IL6R: variants seen among roughly 807,000 people sequenced by gnomAD.
The protein encoded by IL6R is interleukin 6 receptor.
A neutral mutation model predicts 48.3 loss-of-function variants in IL6R; 38 were observed. That is an observed-to-expected ratio of 0.79 (90% CI 0.61 to 1.03). The LOEUF (loss-of-function observed/expected upper bound fraction) is 1.03, where lower values mean the gene tolerates loss of function less well. Ranked by LOEUF, IL6R falls within the 50% of genes least tolerant of loss-of-function variation. IL6R has a pLI of 0.00. For synonymous variants in IL6R, 264 were observed against 256.2 expected, an observed-to-expected ratio of 1.03 and a Z score of -0.29; for missense variants, 534 against 618.3, an observed-to-expected ratio of 0.86 and a Z score of 1.45.
At chr1:154,433,764 G>A (rs1273411617) in intron 3 of IL6R, among the ~76,000 whole-genome samples, 2 of 150,572 alleles carry the variant, frequency 1.3e-5, no homozygotes, top group African/African-American at 2.5e-5. Context: ...AGTCTCTGTC[G>A]CCCAGGCTGG....
In IL6R at chr1:154,405,478, G is replaced by A; in HGVS notation, c.-152G>A. 1 of 662,240 alleles carries A rather than the reference G, an allele frequency of 1.5e-6. No homozygotes were observed. Among genetic ancestry groups the A allele is most frequent in the Non-Finnish European group, 2.4e-6 (1 of 414,354 alleles). The allele number at this position is 662,240 out of a possible 1,614,324, so 41.0% of individuals were successfully genotyped here. A position where few individuals can be genotyped will look rare whatever the true frequency, so the allele number is the denominator to read the frequency against. On this transcript the variant is annotated 5_prime_UTR_variant, in exon 1 of 10. An upstream open reading frame in the 5' UTR loses its in-frame stop. Transcript: ENST00000368485. This position sits in a 1 kb window ranked among gnomAD's most constrained non-coding sequence, Gnocchi z 5.2. Reference sequence around the variant, plus strand: ...GGCCGAGGGACTCGCAGTGTGTGTAGAGAGCCGGGCTCCTGCGGATGGGGG... The same window carrying A: ...GGCCGAGGGACTCGCAGTGTGTGTAAAGAGCCGGGCTCCTGCGGATGGGGG...
intron 9 of IL6R, among the ~76,000 whole-genome samples, chr1:154,455,448 T>C (rs367623799): frequency 1.4e-5 from 2 of 147,902 alleles, no homozygotes; most frequent in East Asian, 4.0e-4. Flanking sequence ...TCTCTTTCTT[T>C]TCTTTTCTTT....
intron 3 of IL6R, among the ~76,000 whole-genome samples, chr1:154,431,199 A>AAGACGGCTTAACGTGGG (rs1553306860): frequency 1.3e-5 from 2 of 152,132 alleles, no homozygotes; most frequent in Non-Finnish European, 2.9e-5. Flanking sequence ...TCATCACCGG[A>AAGACGGCTTAACGTGGG]AGACGGCTTA....
rs777374749 is a variant in IL6R at position 154,434,982 on chromosome 1, T to C, written c.641-8T>C. ...GCTGCAAAGGAGTCATGCTCACTTT[T>C]CCCACAGTGCAGCCTGATCCGCCTG... On this transcript the variant is annotated splice_region_variant and splice_polypyrimidine_tract_variant and intron_variant, in intron 4 of 9. Transcript: ENST00000368485. The C allele has an allele frequency of 8.1e-6, 13 of 1,613,628 alleles. No individual in the cohort carries two copies. In the East Asian group the frequency reaches 2.2e-4, roughly 28 times the overall value.
intron 1 of IL6R, among the ~76,000 whole-genome samples, chr1:154,417,837 C>A (rs977588571): frequency 6.7e-6 from 1 of 150,058 alleles, no homozygotes; most frequent in Non-Finnish European, 1.5e-5. Context: ...CGGTTTCAAG[C>A]GATTCTCCTG....
At chr1:154,436,361 C>T (rs1689630954) in intron 6 of IL6R, among the ~76,000 whole-genome samples, 1 of 152,126 alleles carries the variant, frequency 6.6e-6, no homozygotes. Flanking sequence ...GCCTGTAATT[C>T]CAGCTACTCA....
intron 1 of IL6R, among the ~76,000 whole-genome samples, chr1:154,419,427 G>C (rs1688525816): frequency 6.6e-6 from 1 of 152,172 alleles, no homozygotes; most frequent in South Asian, 2.1e-4. Flanking sequence ...GTGTCCACAG[G>C]CTTCTCCTGG....
intron 3 of IL6R, among the ~76,000 whole-genome samples, chr1:154,433,679 T>A (rs768997033): frequency 1.3e-5 from 2 of 152,112 alleles, no homozygotes; most frequent in Non-Finnish European, 2.9e-5. Flanking sequence ...CATGTTTATA[T>A]ATATTTGTAA....
At chr1:154,435,508 CAAA>C (rs71586014) in intron 5 of IL6R, among the ~76,000 whole-genome samples, 1 of 135,396 alleles carries the variant, frequency 7.4e-6, no homozygotes, top group Non-Finnish European at 1.6e-5. Flanking sequence ...GACTCCATGT[CAAA>C]AAAAAAAAAA....
At chr1:154,462,873 T>C (rs1273298150) in intron 9 of IL6R, among the ~76,000 whole-genome samples, 3 of 152,148 alleles carry the variant, frequency 2.0e-5, no homozygotes, top group Non-Finnish European at 4.4e-5. Flanking sequence ...AGTGGCACAA[T>C]CTCAGCACAC....
chr1:154,438,669 C>G (rs1393533613), intron 6 of IL6R, among the ~76,000 whole-genome samples: 2 of 152,150 alleles, frequency 1.3e-5, no homozygotes, highest in African/African-American at 4.8e-5. Flanking sequence ...ATTCTTCCCC[C>G]AGATTGGATG....
intron 8 of IL6R, among the ~76,000 whole-genome samples, chr1:154,452,552 G>T (rs1466487080): frequency 6.6e-6 from 1 of 152,160 alleles, no homozygotes; most frequent in African/African-American, 2.4e-5. Context: ...CATTTGTTTG[G>T]CCGGGCGCGG....
At chr1:154,450,104 C>CTG (rs71586016) in intron 8 of IL6R, 124 bp downstream of exon 8, 19,984 of 479,152 alleles carry the variant, frequency 0.042, 334 homozygotes, top group African/African-American at 0.12. Flanking sequence ...CAGAAATGTT[C>CTG]TGTGTGTGTG....
At chr1:154,418,890 C>T (rs534852431) in intron 1 of IL6R, among the ~76,000 whole-genome samples, 46 of 152,244 alleles carry the variant, frequency 3.0e-4, no homozygotes, top group African/African-American at 1.1e-3. Context: ...CTGACCCCCC[C>T]TTGTGCACAC....
Position 154,436,035 on chromosome 1 carries a change from C to A in IL6R, c.874C>A (p.Leu292Ile). The A allele has an allele frequency of 6.2e-7, 1 of 1,613,210 alleles. No homozygotes were observed. Among genetic ancestry groups the A allele is most frequent in the Non-Finnish European group, 8.5e-7 (1 of 1,179,572 alleles). ...AWSGLRHVVQ[L>I]RAQEEFGQGE... ...GAGCGGCCTGAGGCACGTGGTGCAGCTTCGTGCCCAGGAGGAGTTCGGGCA... is the reference window on the plus strand; with the variant it reads ...GAGCGGCCTGAGGCACGTGGTGCAGATTCGTGCCCAGGAGGAGTTCGGGCA... The change falls in exon 6 of 10, where the codon CTT becomes ATT. Residue 292 changes from leucine (L) to isoleucine (I), a missense_variant. Physicochemically the swap from Leu to Ile is conservative, Grantham distance 5. Coordinates refer to ENST00000368485, the MANE Select transcript of IL6R (RefSeq NM_000565.4).
chr1:154,418,588 G>A (rs1480628669), intron 1 of IL6R, among the ~76,000 whole-genome samples: 1 of 152,180 alleles, frequency 6.6e-6, no homozygotes, highest in Non-Finnish European at 1.5e-5. Flanking sequence ...AAGGTTGCTG[G>A]GCCTCCCATT....
At chr1:154,446,322 T>C (rs1270432640) in intron 6 of IL6R, among the ~76,000 whole-genome samples, 1 of 152,182 alleles carries the variant, frequency 6.6e-6, no homozygotes, top group East Asian at 1.9e-4. Context: ...TGCATTCTTA[T>C]ACTTCCTCTG....
At chr1:154,444,497 G>A (rs1011888235) in intron 6 of IL6R, among the ~76,000 whole-genome samples, 5 of 152,152 alleles carry the variant, frequency 3.3e-5, no homozygotes, top group African/African-American at 1.2e-4. Context: ...ATGAGCCACC[G>A]TGCCCGGCTG....
chr1:154,448,107 C>G lies in IL6R; in HGVS notation c.950-18C>G. ...GGGCCCATGAATCACTAATAATGAGCCTTTCTTCTGTCCGCAGAATCCAGG... is the reference window on the plus strand; with the variant it reads ...GGGCCCATGAATCACTAATAATGAGGCTTTCTTCTGTCCGCAGAATCCAGG... On this transcript the variant is annotated intron_variant, in intron 6 of 9. Coordinates refer to ENST00000368485, the MANE Select transcript of IL6R (RefSeq NM_000565.4). The G allele has an allele frequency of 2.5e-6, 4 of 1,610,754 alleles. No individual in the cohort carries two copies. The highest frequency in any genetic ancestry group is 1.1e-5 in the South Asian group (1 of 91,020).
Sources: gnomAD v4.1 joint callset for allele counts (sites outside exome capture counted in the v4.1 genomes callset) on GRCh38, gnomAD v4.1.1 for gene constraint, Gnocchi (gnomAD v3.1) non-coding constraint, MANE v1.5 for transcripts, NCBI Gene and HGNC (gene_info 2026-07-23, HGNC 2026-07-21) for gene names.